Variants in SOCS2 observed in about 807,000 individuals in gnomAD.
SOCS2 encodes CIS-2.
SOCS2 carries 10 observed loss-of-function variants against 18.6 expected under a neutral mutation model. That is an observed-to-expected ratio of 0.54 (90% CI 0.33 to 0.91). SOCS2 has a LOEUF of 0.91. Among genes scored for constraint, SOCS2 ranks in the 40% least tolerant of loss-of-function variants. The probability of loss-of-function intolerance (pLI) is 0.02; values close to 1 mark genes in which losing one functional copy is unlikely to be tolerated. For missense variants in SOCS2, 231 were observed against 247.2 expected, an observed-to-expected ratio of 0.93 and a Z score of 0.44; for synonymous variants, 104 against 104.0, an observed-to-expected ratio of 1.00 and a Z score of 0.00.
At chr12:93,614,627 C>CTTTG in the SOCS2 span, among the ~76,000 whole-genome samples, 236 of 89,710 alleles carry the variant, frequency 2.6e-3, 11 homozygotes, top group South Asian at 6.4e-3. Flanking sequence ...TTCTTTCTTT[C>CTTTG]TTTCTTTTGA....
chr12:93,622,450 T>C, the SOCS2 span, among the ~76,000 whole-genome samples: 1 of 152,240 alleles, frequency 6.6e-6, no homozygotes, highest in Non-Finnish European at 1.5e-5. Context: ...GCATGTCAGC[T>C]ATGATGCTGC....
chr12:93,587,984 G>A (rs1342660248), downstream of SOCS2, among the ~76,000 whole-genome samples: 1 of 152,224 alleles, frequency 6.6e-6, no homozygotes, highest in Non-Finnish European at 1.5e-5. Flanking sequence ...TGGCAATATG[G>A]AGGCTGCTCT....
the SOCS2 span, among the ~76,000 whole-genome samples, chr12:93,613,498 T>C: frequency 1.3e-5 from 2 of 152,210 alleles, no homozygotes; most frequent in Admixed American, 6.5e-5. Context: ...TCTACCACTT[T>C]AGTAGCTGCA....
At chr12:93,612,479 C>G in the SOCS2 span, among the ~76,000 whole-genome samples, 1 of 152,220 alleles carries the variant, frequency 6.6e-6, no homozygotes, top group East Asian at 1.9e-4. Flanking sequence ...TTCCTTTGAA[C>G]CAGTTTCATA....
the SOCS2 span, among the ~76,000 whole-genome samples, chr12:93,608,055 C>T: frequency 7.0e-6 from 1 of 142,576 alleles, no homozygotes; most frequent in African/African-American, 2.7e-5. Flanking sequence ...GGCTGGAATG[C>T]AGTGGTGCAA....
At chr12:93,592,484 C>CAT in the SOCS2 span, among the ~76,000 whole-genome samples, 1 of 152,188 alleles carries the variant, frequency 6.6e-6, no homozygotes, top group Non-Finnish European at 1.5e-5. Context: ...CTTATGGGAA[C>CAT]ATATATGTTG....
chr12:93,616,387 G>C, the SOCS2 span, among the ~76,000 whole-genome samples: 1 of 152,180 alleles, frequency 6.6e-6, no homozygotes, highest in Non-Finnish European at 1.5e-5. Context: ...CTCTCATAAT[G>C]ACATCATTGG....
upstream of SOCS2, chr12:93,572,386 G>T: frequency 3.0e-6 from 1 of 328,364 alleles, no homozygotes; most frequent in Non-Finnish European, 6.0e-6. The surrounding 1 kb of genome is among the most constrained non-coding windows in gnomAD (Gnocchi z 5.0). Flanking sequence ...GTGACTATTT[G>T]CTCTTCCTAG....
the SOCS2 span, among the ~76,000 whole-genome samples, chr12:93,620,155 G>GA: frequency 0.057 from 8,646 of 151,124 alleles, 601 homozygotes; most frequent in African/African-American, 0.17. Flanking sequence ...TTTTGTTTAA[G>GA]AAAAAAAATC....
the SOCS2 span, among the ~76,000 whole-genome samples, chr12:93,614,470 C>T: frequency 3.7e-4 from 33 of 89,870 alleles, no homozygotes; most frequent in African/African-American, 1.9e-3. Flanking sequence ...TTCCTTCCTT[C>T]CTTCCTTCCT....
chr12:93,579,677 G>A (rs1954511655), downstream of SOCS2, among the ~76,000 whole-genome samples: 1 of 152,026 alleles, frequency 6.6e-6, no homozygotes, highest in Non-Finnish European at 1.5e-5. Context: ...TTTCCTCTGT[G>A]TGGCTTGAGT....
chr12:93,578,004 A>G (rs555174969), downstream of SOCS2, among the ~76,000 whole-genome samples: 1 of 152,214 alleles, frequency 6.6e-6, no homozygotes, highest in Non-Finnish European at 1.5e-5. Context: ...TACAAGACTT[A>G]TATATCCCCA....
the SOCS2 span, among the ~76,000 whole-genome samples, chr12:93,614,539 C>CT: frequency 2.4e-5 from 2 of 82,522 alleles, no homozygotes; most frequent in African/African-American, 1.4e-4. Context: ...TTCCTTCCTT[C>CT]CTTCTTTCTT....
the SOCS2 span, among the ~76,000 whole-genome samples, chr12:93,613,323 C>T: frequency 9.7e-4 from 148 of 152,274 alleles, no homozygotes; most frequent in East Asian, 0.018. Flanking sequence ...CAGCCTACTG[C>T]GGTCAATGCT....
At chr12:93,623,453 G>A in the SOCS2 span, among the ~76,000 whole-genome samples, 1 of 151,368 alleles carries the variant, frequency 6.6e-6, no homozygotes, top group African/African-American at 2.4e-5. Context: ...TATACTTTAC[G>A]TTTTAGGGTA....
chr12:93,598,384 C>T, the SOCS2 span, among the ~76,000 whole-genome samples: 2 of 151,926 alleles, frequency 1.3e-5, no homozygotes, highest in African/African-American at 4.8e-5. Context: ...GAGATGGCAC[C>T]GAGGAGTTTG....
chr12:93,610,493 A>G, the SOCS2 span, among the ~76,000 whole-genome samples: 1 of 152,186 alleles, frequency 6.6e-6, no homozygotes, highest in East Asian at 1.9e-4. Flanking sequence ...AGTTTGAGTA[A>G]CATTGTGCTA....
At chr12:93,573,436 C>T in intron 1 of SOCS2, 1 of 387,028 alleles carries the variant, frequency 2.6e-6, no homozygotes. Flanking sequence ...CATCTGGCTC[C>T]CGGGCGGAGC....
chr12:93,571,820 C>G (rs1282034805), upstream of SOCS2: 4 of 388,074 alleles, frequency 1.0e-5, no homozygotes, highest in Admixed American at 9.5e-5. Flanking sequence ...CCGGGCCCCT[C>G]CCACCTCCCC....
Sources: allele counts gnomAD v4.1 joint callset (sites outside exome capture counted in the v4.1 genomes callset), GRCh38; gene constraint gnomAD v4.1.1; non-coding constraint Gnocchi (gnomAD v3.1); transcripts MANE v1.5; gene names NCBI Gene and HGNC (gene_info 2026-07-23, HGNC 2026-07-21).